CNTNAP5: variants seen among roughly 807,000 people sequenced by gnomAD.
CNTNAP5 encodes the protein contactin associated protein family member 5, also known as contactin-associated protein-like 5.
CNTNAP5 carries 72 observed loss-of-function variants against 150.2 expected under a neutral mutation model. The observed-to-expected ratio is 0.48, with a 90% CI of 0.40 to 0.58. The LOEUF is 0.58. Among genes scored for constraint, CNTNAP5 ranks in the 20% least tolerant of loss-of-function variants. The probability of loss-of-function intolerance (pLI) is 0.00; values close to 1 mark genes in which losing one functional copy is unlikely to be tolerated. For synonymous variants in CNTNAP5, 672 were observed against 619.8 expected (o/e 1.08, Z -1.25); for missense variants, 1,636 against 1,626.2 (o/e 1.01, Z -0.10).
At chr2:124,291,815 G>C (rs1208947994) in intron 3 of CNTNAP5, among the ~76,000 whole-genome samples, 5 of 152,092 alleles carry the variant, frequency 3.3e-5, no homozygotes, top group Non-Finnish European at 7.3e-5. Context: ...CACATTCACA[G>C]TCTGTCTCTC....
intron 3 of CNTNAP5, among the ~76,000 whole-genome samples, chr2:124,368,726 G>T (rs1299912503): frequency 6.6e-6 from 1 of 152,158 alleles, no homozygotes; most frequent in East Asian, 1.9e-4. Context: ...AACACAGAGA[G>T]TGGTAAACTT....
intron 10 of CNTNAP5, among the ~76,000 whole-genome samples, chr2:124,553,902 C>T (rs1011947751): frequency 2.6e-5 from 4 of 152,072 alleles, no homozygotes; most frequent in Admixed American, 6.6e-5. Flanking sequence ...AAGTTCTCCT[C>T]AGGGATATGA....
At chr2:124,146,829 G>A (rs1259758309) in intron 1 of CNTNAP5, among the ~76,000 whole-genome samples, 1 of 152,122 alleles carries the variant, frequency 6.6e-6, no homozygotes, top group Non-Finnish European at 1.5e-5. Context: ...ATTTGTAAAA[G>A]TGATATTCTA....
intron 22 of CNTNAP5, 125 bp downstream of exon 22, chr2:124,903,225 G>T: frequency 1.8e-6 from 1 of 548,422 alleles, no homozygotes; most frequent in African/African-American, 1.9e-5. Context: ...ATAACAGGTG[G>T]CTAAAAATTA....
At chr2:124,270,009 A>G (rs76611073) in intron 3 of CNTNAP5, among the ~76,000 whole-genome samples, 4,882 of 152,270 alleles carry the variant, frequency 0.032, 110 homozygotes, top group Middle Eastern at 0.048. Flanking sequence ...TAAAAAATAT[A>G]CAAGTATAAA....
chr2:124,583,914 G>T (rs146386821), intron 11 of CNTNAP5, among the ~76,000 whole-genome samples: 123 of 152,240 alleles, frequency 8.1e-4, no homozygotes, highest in African/African-American at 2.6e-3. Context: ...AAGTTCCATG[G>T]GTTGCAGTCT....
At chr2:124,140,135 C>A (rs1421728041) in intron 1 of CNTNAP5, among the ~76,000 whole-genome samples, 5 of 151,456 alleles carry the variant, frequency 3.3e-5, no homozygotes, top group Admixed American at 1.3e-4. Flanking sequence ...CTCAGAGGGT[C>A]CTACACCCAC....
chr2:124,361,709 C>A (rs1248072436), intron 3 of CNTNAP5, among the ~76,000 whole-genome samples: 1 of 150,226 alleles, frequency 6.7e-6, no homozygotes, highest in Non-Finnish European at 1.5e-5. Flanking sequence ...CTGCTCTCTT[C>A]AAAGCTGTCA....
intron 16 of CNTNAP5, among the ~76,000 whole-genome samples, chr2:124,768,706 C>T (rs145101300): frequency 1.2e-3 from 188 of 152,204 alleles, no homozygotes; most frequent in Non-Finnish European, 2.2e-3. Context: ...AGGACCCACC[C>T]AGCTCTGTCT....
intron 1 of CNTNAP5, among the ~76,000 whole-genome samples, chr2:124,073,325 A>G (rs1223646004): frequency 6.6e-6 from 1 of 152,122 alleles, no homozygotes; most frequent in Non-Finnish European, 1.5e-5. Flanking sequence ...GTAATACTTC[A>G]CAAACACAGG....
intron 4 of CNTNAP5, among the ~76,000 whole-genome samples, chr2:124,419,743 G>T (rs1224816807): frequency 1.3e-5 from 2 of 152,126 alleles, no homozygotes; most frequent in African/African-American, 4.8e-5. Flanking sequence ...TCAATCACTA[G>T]TGCTGATGCT....
chr2:124,666,364 G>A (rs936028), intron 13 of CNTNAP5, among the ~76,000 whole-genome samples: 84,295 of 152,060 alleles, frequency 0.55, 23,934 homozygotes, highest in Non-Finnish European at 0.62. Flanking sequence ...CTGTTAACCA[G>A]TACACTGGGT....
intron 5 of CNTNAP5, among the ~76,000 whole-genome samples, chr2:124,444,089 T>G (rs1692743754): frequency 6.6e-6 from 1 of 152,100 alleles, no homozygotes; most frequent in African/African-American, 2.4e-5. Context: ...AAAAACTGTG[T>G]GTGGGGTGGC....
At position 124,796,236 on chromosome 2, in the gene CNTNAP5, TAAGTATA is replaced by T. The variant is rs541014213; in HGVS notation, c.2993-1856_2993-1850del. On this transcript the variant is annotated intron_variant, in intron 18 of 23. Transcript: ENST00000682447. The stretch of plus-strand genomic sequence containing the variant: ...GCTTTTCATTTTCAATTTATTGTCT[TAAGTATA>T]AAGAAAAAAGTAATATCCTGTATAT... 3.9e-3 allele frequency among the ~76,000 whole-genome samples: 597 copies of T among 152,338 alleles called. 3 individuals carry two copies. Among genetic ancestry groups the T allele is most frequent in the African/African-American group, 0.013 (552 of 41,568 alleles).
intron 13 of CNTNAP5, among the ~76,000 whole-genome samples, chr2:124,712,998 AT>A (rs1252484800): frequency 1.3e-5 from 2 of 152,084 alleles, no homozygotes; most frequent in Admixed American, 1.3e-4. Flanking sequence ...AAACCTCCTA[AT>A]ACCATCATCT....
At chr2:124,487,820 A>G (rs1693924367) in intron 7 of CNTNAP5, among the ~76,000 whole-genome samples, 1 of 152,064 alleles carries the variant, frequency 6.6e-6, no homozygotes, top group South Asian at 2.1e-4. Context: ...GTTTTTACCC[A>G]CAAAATCGAA....
At position 124,580,098 on chromosome 2, in the gene CNTNAP5, C is replaced by T. The variant is rs1573472582; in HGVS notation, c.1756+16775C>T. Among the ~76,000 whole-genome samples the T allele has an allele frequency of 5.9e-5, 9 of 152,320 alleles. No homozygotes were observed. In the South Asian group the frequency reaches 1.7e-3, roughly 28 times the overall value. On this transcript the variant is annotated intron_variant, in intron 11 of 23. Transcript: ENST00000682447. ...AGAAAATAACCTGAAATCCTGTCCC[C>T]ACCTTACAAAACTCACTATTCTGCT... is the stretch of plus-strand genomic sequence containing the variant.
chr2:124,459,587 A>G (rs1693200549), intron 6 of CNTNAP5, among the ~76,000 whole-genome samples: 1 of 151,812 alleles, frequency 6.6e-6, no homozygotes, highest in African/African-American at 2.4e-5. Context: ...CCCCATCTCT[A>G]CTAAAAACAC....
chr2:124,720,221 G>C (rs1680021970), intron 13 of CNTNAP5, among the ~76,000 whole-genome samples: 2 of 152,142 alleles, frequency 1.3e-5, no homozygotes, highest in Non-Finnish European at 2.9e-5. Flanking sequence ...TCATCTATAA[G>C]AAAGGGTTTT....
Sources: gnomAD v4.1 joint callset for allele counts (sites outside exome capture counted in the v4.1 genomes callset) on GRCh38, gnomAD v4.1.1 for gene constraint, MANE v1.5 for transcripts, NCBI Gene and HGNC (gene_info 2026-07-23, HGNC 2026-07-21) for gene names.